The following ZNF33A variants were observed in gnomAD, a reference collection of about 807,000 sequenced individuals.
ZNF33A encodes the protein zinc finger protein 33A.
In ZNF33A, 9 loss-of-function variants were observed where a neutral mutation model predicts 15.9. That is an observed-to-expected ratio of 0.57 (90% CI 0.34 to 0.99). The LOEUF (loss-of-function observed/expected upper bound fraction) is 0.99, where lower values mean the gene tolerates loss of function less well. ZNF33A is among the 50% of genes least tolerant of loss of function. The probability of loss-of-function intolerance (pLI) is 0.02; values close to 1 mark genes in which losing one functional copy is unlikely to be tolerated. For synonymous variants in ZNF33A, 294 were observed against 324.2 expected (o/e 0.91, Z 1.00); for missense variants, 843 against 941.6 (o/e 0.90, Z 1.37).
At chr10:38,046,009 T>C (rs1456547601) in intron 4 of ZNF33A, among the ~76,000 whole-genome samples, 1 of 152,198 alleles carries the variant, frequency 6.6e-6, no homozygotes, top group Non-Finnish European at 1.5e-5. Context: ...GTCTTCTTGG[T>C]TTCTTTTGGA....
At chr10:38,031,579 A>G (rs925899993) in intron 4 of ZNF33A, among the ~76,000 whole-genome samples, 7 of 150,780 alleles carry the variant, frequency 4.6e-5, no homozygotes, top group Admixed American at 2.6e-4. Context: ...CAAAAAAAAA[A>G]AAGAAAAGAA....
At position 38,054,773 on chromosome 10, in the gene ZNF33A, C is replaced by T; in HGVS notation, c.649C>T (p.His217Tyr). 1 of 1,613,498 alleles carries T rather than the reference C, an allele frequency of 6.2e-7. No individual in the cohort carries two copies. The highest frequency in any genetic ancestry group is 1.7e-4 in the Middle Eastern group (1 of 6,060). Residue 217 changes from histidine (H) to tyrosine (Y), a missense_variant, in exon 5 of 5, where the codon CAC becomes TAC. Coordinates refer to ENST00000432900, the MANE Select transcript of ZNF33A (RefSeq NM_006954.2). The stretch of plus-strand genomic sequence containing the variant: ...GCATGAGAAGATTCAAACTTTAGAG[C>T]ACAATTTTGAATACAGTATATGTCA... ...LQHEKIQTLE[H>Y]NFEYSICQET...
At position 38,057,713 on chromosome 10, in the gene ZNF33A, T is replaced by G; in HGVS notation, c.*1153T>G. On this transcript the variant is annotated 3_prime_UTR_variant, in exon 5 of 5. Coordinates refer to ENST00000432900, the MANE Select transcript of ZNF33A (RefSeq NM_006954.2). ...CTCCCTTTCTCTTCCTACCTGTGGC[T>G]CATGCCATGCCATGAAGTGCCTAGG... 1 of 985,464 alleles carries G rather than the reference T, an allele frequency of 1.0e-6. No individual in the cohort carries two copies. The highest frequency in any genetic ancestry group is 1.2e-6 in the Non-Finnish European group (1 of 829,956). The allele number at this position is 985,464 out of a possible 1,614,324, so 61.0% of individuals were successfully genotyped here. A position where few individuals can be genotyped will look rare whatever the true frequency, so the allele number is the denominator to read the frequency against.
At chr10:38,030,955 G>A (rs962742127) in intron 4 of ZNF33A, among the ~76,000 whole-genome samples, 4 of 152,244 alleles carry the variant, frequency 2.6e-5, no homozygotes, top group East Asian at 3.9e-4. Context: ...GAACTGATTC[G>A]TGGTTGCCAG....
rs1162414944 is a variant in ZNF33A at position 38,010,762 on chromosome 10, TGC to T, written c.-65_-64del. On this transcript the variant is annotated 5_prime_UTR_variant, in exon 1 of 5. It removes an upstream start codon present in the reference 5' UTR. Coordinates refer to ENST00000432900, the MANE Select transcript of ZNF33A (RefSeq NM_006954.2). ...GGTCTACGCGCTTTTCTATGGCGAA[TGC>T]AACCCGACGAGGGAGTGGGGTAAGC... 6.3e-7 allele frequency: 1 copy of T among 1,598,400 alleles called. No individual in the cohort carries two copies. The highest frequency in any genetic ancestry group is 1.7e-5 in the Admixed American group (1 of 60,022).
intron 2 of ZNF33A, among the ~76,000 whole-genome samples, chr10:38,013,926 C>T (rs532824566): frequency 2.6e-5 from 4 of 151,996 alleles, no homozygotes; most frequent in Admixed American, 2.0e-4. Context: ...CACCTCCCTG[C>T]TCATTCATTC....
chr10:38,047,989 G>A (rs983994336), intron 4 of ZNF33A, among the ~76,000 whole-genome samples: 2 of 152,188 alleles, frequency 1.3e-5, no homozygotes, highest in Non-Finnish European at 2.9e-5. Flanking sequence ...CTCCTTAAAT[G>A]AGGCAACAGA....
At position 38,017,281 on chromosome 10, in the gene ZNF33A, C is replaced by G; in HGVS notation, c.155-10C>G. The G allele has an allele frequency of 6.2e-7, 1 of 1,612,104 alleles. No homozygotes were observed. Among genetic ancestry groups the G allele is most frequent in the African/African-American group, 1.3e-5 (1 of 74,956 alleles). On this transcript the variant is annotated splice_polypyrimidine_tract_variant and intron_variant, in intron 3 of 4. Transcript: ENST00000432900. Reference sequence around the variant, plus strand: ...CTTGGTCCAAATCCTAAATTATTTCCTGTTAACAGGGTATTGTGTTCACAA... The same window carrying G: ...CTTGGTCCAAATCCTAAATTATTTCGTGTTAACAGGGTATTGTGTTCACAA...
intron 4 of ZNF33A, among the ~76,000 whole-genome samples, chr10:38,037,942 T>G (rs2065523275): frequency 6.6e-6 from 1 of 152,204 alleles, no homozygotes. Flanking sequence ...TGTGTTGAGT[T>G]TAGGTATTAA....
intron 4 of ZNF33A, among the ~76,000 whole-genome samples, chr10:38,036,704 C>T (rs1261465097): frequency 1.3e-5 from 2 of 152,158 alleles, no homozygotes; most frequent in South Asian, 2.1e-4. Flanking sequence ...CCTGTCTCTT[C>T]ACTCTTACTC....
downstream of ZNF33A, among the ~76,000 whole-genome samples, chr10:38,062,836 T>A (rs1185212814): frequency 6.6e-6 from 1 of 151,810 alleles, no homozygotes; most frequent in African/African-American, 2.4e-5. Flanking sequence ...ACCCTGTCTC[T>A]ACTAAAAATA....
At chr10:38,067,502 A>G (rs866033599), downstream of ZNF33A, among the ~76,000 whole-genome samples, 1 of 152,222 alleles carries the variant, frequency 6.6e-6, no homozygotes, top group Non-Finnish European at 1.5e-5. Flanking sequence ...AGCCTGGTTT[A>G]GAGAAATGGG....
chr10:38,047,886 G>T (rs2066026498), intron 4 of ZNF33A, among the ~76,000 whole-genome samples: 1 of 152,108 alleles, frequency 6.6e-6, no homozygotes, highest in South Asian at 2.1e-4. Context: ...TAACCAGAAT[G>T]CTCTAAATCA....
At chr10:38,021,960 C>T (rs1018702839) in intron 4 of ZNF33A, among the ~76,000 whole-genome samples, 9 of 152,030 alleles carry the variant, frequency 5.9e-5, no homozygotes, top group Admixed American at 4.6e-4. Flanking sequence ...GAGACCATAC[C>T]GTATCAATAT....
chr10:38,015,641 A>C (rs550779961), intron 2 of ZNF33A, among the ~76,000 whole-genome samples: 1 of 152,224 alleles, frequency 6.6e-6, no homozygotes, highest in South Asian at 2.1e-4. Context: ...ATTTAATATA[A>C]TTAGGATGTT....
chr10:38,046,298 T>C (rs1040890602), intron 4 of ZNF33A, among the ~76,000 whole-genome samples: 5 of 152,138 alleles, frequency 3.3e-5, no homozygotes, highest in African/African-American at 1.2e-4. Context: ...AAATAACTTT[T>C]GAAAAGAATC....
rs761290249 is a variant in ZNF33A, at chr10:38,055,683, C to T, written c.1559C>T (p.Thr520Ile). Residue 520 changes from threonine to isoleucine, a missense_variant, in exon 5 of 5, where the codon ACA becomes ATA. Transcript: ENST00000432900. ...CTCACCAGGCATCAGATAATTCATA[C>T]AGGGTGGAAACCTTATGAATGTTAT... ...SLLTRHQIIHTGWKPYECYEC... is the reference protein window; with the variant it reads ...SLLTRHQIIHIGWKPYECYEC... 1 of 1,613,936 alleles carries T rather than the reference C, an allele frequency of 6.2e-7. No homozygotes were observed. The highest frequency in any genetic ancestry group is 1.7e-5 in the Admixed American group (1 of 60,002).
chr10:38,060,039 A>C lies in ZNF33A; in HGVS notation c.*3479A>C. ...AAAAATGAAGTGTATCAAGTAAATA[A>C]ATAACCAACCAACCAACCCTGAGGA... On this transcript the variant is annotated 3_prime_UTR_variant, in exon 5 of 5. Transcript: ENST00000432900. 1 of 985,348 alleles carries C rather than the reference A, an allele frequency of 1.0e-6. No homozygotes were observed. The highest frequency in any genetic ancestry group is 4.7e-5 in the South Asian group (1 of 21,284). 61.0% of individuals were successfully genotyped at this position (985,348 alleles called of 1,614,324 possible). A position where few individuals can be genotyped will look rare whatever the true frequency, so the allele number is the denominator to read the frequency against.
chr10:38,023,644 T>C (rs2064852212), intron 4 of ZNF33A, among the ~76,000 whole-genome samples: 1 of 152,200 alleles, frequency 6.6e-6, no homozygotes, highest in African/African-American at 2.4e-5. Flanking sequence ...AAAATATTTA[T>C]AGCAAATATA....
Sources: gnomAD v4.1 joint callset for allele counts (sites outside exome capture counted in the v4.1 genomes callset) on GRCh38, gnomAD v4.1.1 for gene constraint, MANE v1.5 for transcripts, NCBI Gene and HGNC (gene_info 2026-07-23, HGNC 2026-07-21) for gene names.